Variants in MATN4 observed in about 807,000 individuals in gnomAD.
MATN4 encodes matrilin-4.
MATN4 carries 40 observed loss-of-function variants against 54.6 expected under a neutral mutation model. The observed-to-expected ratio is 0.73, with a 90% CI of 0.57 to 0.95. The LOEUF (loss-of-function observed/expected upper bound fraction) is 0.95. Among genes scored for constraint, MATN4 ranks in the 40% least tolerant of loss-of-function variants. The probability of loss-of-function intolerance (pLI) is 0.00; values close to 1 mark genes in which losing one functional copy is unlikely to be tolerated. For synonymous variants in MATN4, 351 were observed against 345.3 expected, an observed-to-expected ratio of 1.02 and a Z score of -0.18; for missense variants, 810 against 819.1, an observed-to-expected ratio of 0.99 and a Z score of 0.13.
rs375399944 is a variant in MATN4, at chr20:45,300,956, C to T, written c.943G>A (p.Glu315Lys). Reference sequence around the variant, plus strand: ...CACAGGCAGCGGTAGGAGAGGCCCTCGCTCACACACTGGAACTCACAGCCA... The same window carrying T: ...CACAGGCAGCGGTAGGAGAGGCCCTTGCTCACACACTGGAACTCACAGCCA... ...DHGCEFQCVS[E>K]GLSYRCLCPE... The change falls in exon 6 of 10, where the codon GAG becomes AAG. Residue 315 changes from glutamate to lysine, a missense_variant. Physicochemically the swap from Glu to Lys is moderately conservative, Grantham distance 56. Transcript: ENST00000372756. The T allele has an allele frequency of 6.8e-5, 110 of 1,613,918 alleles. No homozygotes were observed. The highest frequency in any genetic ancestry group is 4.5e-4 in the Admixed American group (27 of 60,006).
intron 1 of MATN4, among the ~76,000 whole-genome samples, chr20:45,306,510 A>AC (rs1043387634): frequency 2.6e-5 from 4 of 151,946 alleles, no homozygotes; most frequent in Non-Finnish European, 5.9e-5. Flanking sequence ...CAACTCGCCA[A>AC]CCCCCCCAGA....
intron 8 of MATN4, 58 bp downstream of exon 8, chr20:45,297,860 G>C (rs1985941728): frequency 6.3e-7 from 1 of 1,594,502 alleles, no homozygotes; most frequent in South Asian, 1.1e-5. Context: ...ATAGGAAGGG[G>C]AGATATCAGA....
At chr20:45,295,331 A>G (rs974920887) in intron 8 of MATN4, among the ~76,000 whole-genome samples, 8 of 152,136 alleles carry the variant, frequency 5.3e-5, no homozygotes, top group African/African-American at 1.9e-4. Context: ...AAAAATGCTA[A>G]TTATCAGACA....
chr20:45,301,863 G>GA (rs11479809), intron 3 of MATN4, among the ~76,000 whole-genome samples: 113 of 129,062 alleles, frequency 8.8e-4, no homozygotes, highest in South Asian at 2.3e-3. Flanking sequence ...AGAGAGGAAA[G>GA]AAAAAAAAAA....
chr20:45,301,051 A>C, intron 5 of MATN4, 42 bp from the exon 6 acceptor site: 1 of 1,614,010 alleles, frequency 6.2e-7, no homozygotes, highest in Middle Eastern at 1.6e-4. Context: ...GATGGACCCC[A>C]CCAGCTAAGA....
rs2233099 is a variant in MATN4 at position 45,300,927 on chromosome 20, G to A, written c.972C>T (p.Pro324=). Reference sequence around the variant, plus strand: ...CATCTGCCTGAAGTTGCCGCCCCTCGGGGCACAGGCAGCGGTAGGAGAGGC... The same window carrying A: ...CATCTGCCTGAAGTTGCCGCCCCTCAGGGCACAGGCAGCGGTAGGAGAGGC... ...SEGLSYRCLC[P]EGRQLQADGK... The change falls in exon 6 of 10, where the codon CCC becomes CCT. Residue 324 remains proline (P), a synonymous_variant. Transcript: ENST00000372756. 1,954 of 1,613,694 alleles carry A rather than the reference G, an allele frequency of 1.2e-3. 16 individuals carry two copies. In the African/African-American group the frequency reaches 0.019, roughly 15 times the overall value.
intron 1 of MATN4, 117 bp downstream of exon 1, chr20:45,308,058 C>T: frequency 1.2e-6 from 1 of 867,628 alleles, no homozygotes; most frequent in Non-Finnish European, 1.9e-6. Context: ...TGGGGAAGGG[C>T]ACTGCAAATC....
intron 3 of MATN4, 98 bp downstream of exon 3, chr20:45,304,130 G>A: frequency 1.8e-6 from 2 of 1,111,916 alleles, no homozygotes; most frequent in Non-Finnish European, 2.5e-6. Context: ...TGGAAATCGC[G>A]GGGCCACCCC....
At chr20:45,305,892 C>T (rs1986625976) in intron 1 of MATN4, among the ~76,000 whole-genome samples, 1 of 139,468 alleles carries the variant, frequency 7.2e-6, no homozygotes. Flanking sequence ...CAACCTCTGC[C>T]TCCCAGGTTC....
rs780101217 is a variant in MATN4, at chr20:45,293,959, C to G, written c.1636G>C (p.Val546Leu). 3.1e-6 allele frequency: 5 copies of G among 1,602,988 alleles called. No homozygotes were observed. Among genetic ancestry groups the G allele is most frequent in the Non-Finnish European group, 4.2e-6 (5 of 1,179,270 alleles). Reference sequence around the variant, plus strand: ...CCCAGCGTGCGGCCCTGGAACTCCACGAGGCTTTCGCATTCGCATGGGCTC... The same window carrying G: ...CCCAGCGTGCGGCCCTGGAACTCCAGGAGGCTTTCGCATTCGCATGGGCTC... The part of the protein sequence containing the change: ...LRSPCECESL[V>L]EFQGRTLGAL... Residue 546 changes from valine to leucine, a missense_variant, in exon 9 of 10, where the codon GTG becomes CTG. Val to Leu is a conservative substitution (Grantham distance 32). Transcript: ENST00000372756.
At chr20:45,303,310 C>T in intron 3 of MATN4, 2 of 673,688 alleles carry the variant, frequency 3.0e-6, no homozygotes, top group Non-Finnish European at 5.6e-6. Context: ...CTTCCAGACT[C>T]ATTGGTCTGA....
At position 45,306,747 on chromosome 20, in the gene MATN4, G is replaced by A. The variant is rs942437800; in HGVS notation, c.-34-1131C>T. The A allele has an allele frequency of 6.6e-6, 3 of 453,184 alleles. No individual in the cohort carries two copies. In the Admixed American group the frequency reaches 1.3e-4, roughly 20 times the overall value. The allele number at this position is 453,184 out of a possible 1,614,324, so 28.1% of individuals were successfully genotyped here. On this transcript the variant is annotated intron_variant, in intron 1 of 9. Transcript: ENST00000372756. Reference sequence around the variant, plus strand: ...GTGGGAAGCCCACATCTGCCCAGCAGGTGCGCCCACCCCGAGCAAACAGGG... The same window carrying A: ...GTGGGAAGCCCACATCTGCCCAGCAAGTGCGCCCACCCCGAGCAAACAGGG...
At position 45,306,992 on chromosome 20, in the gene MATN4, C is replaced by T; in HGVS notation, c.-35+1183G>A. On this transcript the variant is annotated intron_variant, in intron 1 of 9. Transcript: ENST00000372756. ...CCCCGGAGACGCCCCGTGAGAACTA[C>T]GAAGGACCACCCCCCCACCCCCTCC... 3 of 1,160,690 alleles carry T rather than the reference C, an allele frequency of 2.6e-6. No individual in the cohort carries two copies. The South Asian group carries it at 1.3e-4, about 51-fold the overall frequency. 71.9% of individuals were successfully genotyped at this position (1,160,690 alleles called of 1,614,324 possible).
intron 8 of MATN4, among the ~76,000 whole-genome samples, chr20:45,297,146 TAA>T (rs59982732): frequency 4.3e-5 from 6 of 140,602 alleles, no homozygotes; most frequent in Non-Finnish European, 1.6e-5. Flanking sequence ...TACATATATC[TAA>T]AAAAAAAAAA....
chr20:45,295,352 C>T (rs1445282538), intron 8 of MATN4, among the ~76,000 whole-genome samples: 2 of 152,182 alleles, frequency 1.3e-5, no homozygotes, highest in African/African-American at 4.8e-5. Flanking sequence ...ACACCCCAGA[C>T]TTGCTGAATT....
intron 8 of MATN4, among the ~76,000 whole-genome samples, chr20:45,295,305 C>T (rs1239182236): frequency 6.6e-6 from 1 of 152,154 alleles, no homozygotes; most frequent in East Asian, 1.9e-4. Flanking sequence ...GCATCGGCAT[C>T]GTGTAGGAAT....
At chr20:45,308,120 G>A (rs775926554) in intron 1 of MATN4, 55 bp downstream of exon 1, 2 of 1,563,536 alleles carry the variant, frequency 1.3e-6, no homozygotes, top group Non-Finnish European at 1.8e-6. Flanking sequence ...GCCTGACCTG[G>A]CTTGATGCCT....
chr20:45,305,423 C>T, intron 2 of MATN4, 87 bp downstream of exon 2: 1 of 1,059,698 alleles, frequency 9.4e-7, no homozygotes, highest in Non-Finnish European at 1.4e-6. Context: ...CCTTGCTTCC[C>T]TCTCCCCAGC....
chr20:45,293,651 C>G lies in MATN4; in HGVS notation c.*116G>C. ...CCGGAAGCCCGCCAGCGCCTCCGCCCCGACAGCCCAAGCCGGACGGGCCCA... is the reference window on the plus strand; with the variant it reads ...CCGGAAGCCCGCCAGCGCCTCCGCCGCGACAGCCCAAGCCGGACGGGCCCA... On this transcript the variant is annotated 3_prime_UTR_variant, in exon 10 of 10. Transcript: ENST00000372756. The G allele has an allele frequency of 2.0e-6, 2 of 998,162 alleles. No individual in the cohort carries two copies. The highest frequency in any genetic ancestry group is 2.8e-6 in the Non-Finnish European group (2 of 715,210). 61.8% of individuals were successfully genotyped at this position (998,162 alleles called of 1,614,324 possible).
Sources: allele counts gnomAD v4.1 joint callset (sites outside exome capture counted in the v4.1 genomes callset), GRCh38; gene constraint gnomAD v4.1.1; transcripts MANE v1.5; gene names NCBI Gene and HGNC (gene_info 2026-07-23, HGNC 2026-07-21).